JUN: variants seen among roughly 807,000 people sequenced by gnomAD.
JUN encodes the protein Jun proto-oncogene, AP-1 transcription factor subunit.
A neutral mutation model predicts 19.7 loss-of-function variants in JUN; 7 were observed. That is an observed-to-expected ratio of 0.36 (90% CI 0.20 to 0.67). The LOEUF is 0.67. Ranked by LOEUF, JUN falls within the 30% of genes least tolerant of loss-of-function variation. JUN has a pLI of 0.64. For synonymous variants in JUN, 246 were observed against 206.9 expected (o/e 1.19, Z -1.62); for missense variants, 373 against 451.0 (o/e 0.83, Z 1.57).
chr1:58,782,247 T>C lies in JUN; in HGVS notation c.824A>G (p.Glu275Gly). 1 of 1,614,226 alleles carries C rather than the reference T, an allele frequency of 6.2e-7. No homozygotes were observed. The highest frequency in any genetic ancestry group is 8.5e-7 in the Non-Finnish European group (1 of 1,180,036). ...TTTTTCCTCCAGCCGGGCGATTCTC[T>C]CCAGCTTCCTTTTTCGGCACTTGGA... ...AASKCRKRKL[E>G]RIARLEEKVK... The change falls in exon 1 of 1, where the codon GAG (glutamate) becomes GGG (glycine). Residue 275 changes from glutamate (E) to glycine (G), a missense_variant. By Grantham distance (98) the Glu-to-Gly change is moderately conservative. This residue lies in a region of JUN where 83 missense variants were observed against 143.0 expected (regional missense o/e 0.58). Transcript: ENST00000371222. The surrounding 1 kb of genome is among the most constrained non-coding windows in gnomAD (Gnocchi z 8.7).
At position 58,783,549 on chromosome 1, in the gene JUN, C is replaced by G; in HGVS notation, c.-479G>C. On this transcript the variant is annotated 5_prime_UTR_variant, in exon 1 of 1. Coordinates refer to ENST00000371222, the MANE Select transcript of JUN (RefSeq NM_002228.4). ...CCCGGCAGCCGCGGCTCGCGCTCGC[C>G]CAAGTTCAACAACCGGTGCGAGCGA... The G allele has an allele frequency of 4.0e-6, 1 of 249,984 alleles. No homozygotes were observed. The highest frequency in any genetic ancestry group is 6.0e-5 in the East Asian group (1 of 16,672). The allele number at this position is 249,984 out of a possible 1,614,324, so 15.5% of individuals were successfully genotyped here. A position where few individuals can be genotyped will look rare whatever the true frequency, so the allele number is the denominator to read the frequency against.
At position 58,782,067 on chromosome 1, in the gene JUN, GT is replaced by G. The variant is rs1183716613; in HGVS notation, c.*7del. ...CTTCGTTGCCCCTCAGCCCCCGACG[GT>G]CTCTCTTCAAAATGTTTGCAACTGC... On this transcript the variant is annotated 3_prime_UTR_variant, in exon 1 of 1. Transcript: ENST00000371222. This position sits in a 1 kb window ranked among gnomAD's most constrained non-coding sequence, Gnocchi z 8.7. 1 of 1,602,214 alleles carries G rather than the reference GT, an allele frequency of 6.2e-7. No individual in the cohort carries two copies. The highest frequency in any genetic ancestry group is 8.5e-7 in the Non-Finnish European group (1 of 1,170,102).
In JUN at chr1:58,781,878, G is replaced by C. The variant is rs1645577007; in HGVS notation, c.*197C>G. The C allele has an allele frequency of 3.4e-6, 2 of 594,378 alleles. No individual in the cohort carries two copies. Among genetic ancestry groups the C allele is most frequent in the African/African-American group, 3.7e-5 (2 of 53,826 alleles). 36.8% of individuals were successfully genotyped at this position (594,378 alleles called of 1,614,324 possible). A position where few individuals can be genotyped will look rare whatever the true frequency, so the allele number is the denominator to read the frequency against. ...CGGCCGCTCCCTGGCTCCACGCCAA[G>C]GGAGGGCGCGCCAAGTCCTTCCCAC... is the stretch of plus-strand genomic sequence containing the variant. On this transcript the variant is annotated 3_prime_UTR_variant, in exon 1 of 1. Coordinates refer to ENST00000371222, the MANE Select transcript of JUN (RefSeq NM_002228.4).
Position 58,782,058 on chromosome 1 carries a change from C to T in JUN, c.*17G>A, listed in dbSNP as rs778577578. The T allele has an allele frequency of 1.7e-5, 27 of 1,592,138 alleles. No individual in the cohort carries two copies. The highest frequency in any genetic ancestry group is 1.1e-4 in the South Asian group (10 of 90,470). On this transcript the variant is annotated 3_prime_UTR_variant, in exon 1 of 1. Coordinates refer to ENST00000371222, the MANE Select transcript of JUN (RefSeq NM_002228.4). The surrounding 1 kb of genome is among the most constrained non-coding windows in gnomAD (Gnocchi z 8.7). ...ATTTTTTTTCTTCGTTGCCCCTCAG[C>T]CCCCGACGGTCTCTCTTCAAAATGT...
chr1:58,783,137 G>A lies in JUN; in HGVS notation c.-67C>T. 6 of 1,548,138 alleles carry A rather than the reference G, an allele frequency of 3.9e-6. No homozygotes were observed. The highest frequency in any genetic ancestry group is 4.4e-6 in the Non-Finnish European group (5 of 1,144,290). ...CGCACAAGTTTCGGGGCCGCAACAG[G>A]GCTGTGGCAAGCGGGGGACACCCGC... On this transcript the variant is annotated 5_prime_UTR_variant, in exon 1 of 1. Coordinates refer to ENST00000371222, the MANE Select transcript of JUN (RefSeq NM_002228.4).
rs1169763375 is a variant in JUN at position 58,782,636 on chromosome 1, G to A, written c.435C>T (p.Pro145=). The change falls in exon 1 of 1, where the codon CCC becomes CCT. Residue 145 remains proline (P), a synonymous_variant. Coordinates refer to ENST00000371222, the MANE Select transcript of JUN (RefSeq NM_002228.4). The surrounding 1 kb of genome is among the most constrained non-coding windows in gnomAD (Gnocchi z 8.7). ...TGCCCCCTGCCACCGAGGCTACCGCGGGAGCCACCATGCCTGCCCCGTTGA... is the reference window on the plus strand; with the variant it reads ...TGCCCCCTGCCACCGAGGCTACCGCAGGAGCCACCATGCCTGCCCCGTTGA... ...QPVNGAGMVA[P]AVASVAGGSG... is the part of the protein sequence containing the mutation. The A allele has an allele frequency of 1.9e-6, 3 of 1,595,200 alleles. No homozygotes were observed. The East Asian group carries it at 6.7e-5, about 36-fold the overall frequency.
At position 58,783,656 on chromosome 1, in the gene JUN, G is replaced by A. The variant is rs182750223; in HGVS notation, c.-586C>T. The A allele has an allele frequency of 1.5e-3, 370 of 247,864 alleles. 3 individuals carry two copies. The highest frequency in any genetic ancestry group is 7.4e-3 in the African/African-American group (336 of 45,294). 15.4% of individuals were successfully genotyped at this position (247,864 alleles called of 1,614,324 possible). On this transcript the variant is annotated 5_prime_UTR_variant, in exon 1 of 1. Transcript: ENST00000371222. ...CCGCCGTGGAGAAGCCTAAGACGCA[G>A]GAAAGGCTTGCAAAAGTTGGCTCCG...
Position 58,781,939 on chromosome 1 carries a change from A to G in JUN, c.*136T>C. 1.3e-6 allele frequency: 1 copy of G among 766,138 alleles called. No homozygotes were observed. Among genetic ancestry groups the G allele is most frequent in the South Asian group, 1.9e-5 (1 of 54,010 alleles). 47.5% of individuals were successfully genotyped at this position (766,138 alleles called of 1,614,324 possible). A position where few individuals can be genotyped will look rare whatever the true frequency, so the allele number is the denominator to read the frequency against. Reference sequence around the variant, plus strand: ...TGGGGGCGCCGTCAGGACGCAACCCAGTCCAACTTGGATACCCTTGGCTTT... The same window carrying G: ...TGGGGGCGCCGTCAGGACGCAACCCGGTCCAACTTGGATACCCTTGGCTTT... On this transcript the variant is annotated 3_prime_UTR_variant, in exon 1 of 1. Transcript: ENST00000371222.
Position 58,784,006 on chromosome 1 carries a change from T to C in JUN, c.-936A>G. ...TCTGCCTGACTCCGCGCACCTCCACTCCCGCCTCGCTGCTTCAGCCACACT... is the reference window on the plus strand; with the variant it reads ...TCTGCCTGACTCCGCGCACCTCCACCCCCGCCTCGCTGCTTCAGCCACACT... On this transcript the variant is annotated 5_prime_UTR_variant, in exon 1 of 1. Transcript: ENST00000371222. 4.0e-6 allele frequency: 1 copy of C among 249,072 alleles called. No homozygotes were observed. The allele number at this position is 249,072 out of a possible 1,614,324, so 15.4% of individuals were successfully genotyped here.
chr1:58,783,493 T>G lies in JUN; in HGVS notation c.-423A>C. ...TGGCCGCCCGGACTCCGACGACTTG[T>G]CCCCTCCTCCGCTGCTAGGGGGAGG... On this transcript the variant is annotated 5_prime_UTR_variant, in exon 1 of 1. Transcript: ENST00000371222. 4.0e-6 allele frequency: 1 copy of G among 250,796 alleles called. No individual in the cohort carries two copies. The highest frequency in any genetic ancestry group is 8.3e-6 in the Non-Finnish European group (1 of 120,092). 15.5% of individuals were successfully genotyped at this position (250,796 alleles called of 1,614,324 possible).
At position 58,783,024 on chromosome 1, in the gene JUN, G is replaced by A. The variant is rs1261483202; in HGVS notation, c.47C>T (p.Ala16Val). Residue 16 changes from alanine (A) to valine (V), a missense_variant, in exon 1 of 1, where the codon GCC becomes GTC. Physicochemically the swap from Ala to Val is moderately conservative, Grantham distance 64 (BLOSUM62 0). Around this residue, in one of 4 missense-constraint regions of JUN, gnomAD observed 113 missense variants for 136.9 expected, o/e 0.83. Transcript: ENST00000371222. ...TCCGCTCTCGGACGGGAGGAACGAG[G>A]CGTTGAGGGCATCGTCATAGAAGGT... Reference protein sequence around the residue: ...ETTFYDDALNASFLPSESGPY... With the variant: ...ETTFYDDALNVSFLPSESGPY... 6.2e-7 allele frequency: 1 copy of A among 1,614,090 alleles called. No individual in the cohort carries two copies. Among genetic ancestry groups the A allele is most frequent in the African/African-American group, 1.3e-5 (1 of 74,934 alleles).
rs761372530 is a variant in JUN at position 58,783,057 on chromosome 1, A to G, written c.14T>C (p.Met5Thr). The G allele has an allele frequency of 2.5e-6, 4 of 1,613,920 alleles. No homozygotes were observed. The change falls in exon 1 of 1, where the codon ATG (methionine) becomes ACG (threonine). Residue 5 changes from methionine to threonine, a missense_variant. Physicochemically the swap from Met to Thr is moderately conservative, Grantham distance 81. Transcript: ENST00000371222. MTAK[M>T]ETTFYDDALN... ...GGCATCGTCATAGAAGGTCGTTTCC[A>G]TCTTTGCAGTCATAGAACAGTCCGT...
chr1:58,782,562 T>C lies in JUN; in HGVS notation c.509A>G (p.Tyr170Cys). ...TGGGTTGAAGTTGCTGAGGTTTGCG[T>C]AGACCGGCGGCTCGCTGTGCAGGCT... ...SASLHSEPPV[Y>C]ANLSNFNPGA... is the part of the protein sequence containing the mutation. The change falls in exon 1 of 1, where the codon TAC becomes TGC. Residue 170 changes from tyrosine to cysteine, a missense_variant. Around this residue, in one of 4 missense-constraint regions of JUN, gnomAD observed 173 missense variants for 154.5 expected, o/e 1.12. Transcript: ENST00000371222. This position sits in a 1 kb window ranked among gnomAD's most constrained non-coding sequence, Gnocchi z 8.7. 6.3e-7 allele frequency: 1 copy of C among 1,584,642 alleles called. No homozygotes were observed. Among genetic ancestry groups the C allele is most frequent in the Non-Finnish European group, 8.5e-7 (1 of 1,172,652 alleles).
At position 58,781,792 on chromosome 1, in the gene JUN, A is replaced by G. The variant is rs1198907030; in HGVS notation, c.*283T>C. 2.2e-6 allele frequency: 1 copy of G among 455,580 alleles called. No homozygotes were observed. Among genetic ancestry groups the G allele is most frequent in the Non-Finnish European group, 3.9e-6 (1 of 253,358 alleles). 28.2% of individuals were successfully genotyped at this position (455,580 alleles called of 1,614,324 possible). On this transcript the variant is annotated 3_prime_UTR_variant, in exon 1 of 1. Coordinates refer to ENST00000371222, the MANE Select transcript of JUN (RefSeq NM_002228.4). Reference sequence around the variant, plus strand: ...ATGCAGTTCTTGGTCAATGTTAACGAAAAGTCCAACGTTCCGTTCGCGCGG... The same window carrying G: ...ATGCAGTTCTTGGTCAATGTTAACGGAAAGTCCAACGTTCCGTTCGCGCGG...
rs1328251857 is a variant in JUN, at chr1:58,783,831, G to A, written c.-761C>T. Reference sequence around the variant, plus strand: ...GCAGCAGGGCTCTCCTCCCGGGGGCGGCTGGAGACCAGGCTCTCTGGACAC... The same window carrying A: ...GCAGCAGGGCTCTCCTCCCGGGGGCAGCTGGAGACCAGGCTCTCTGGACAC... On this transcript the variant is annotated 5_prime_UTR_variant, in exon 1 of 1. Coordinates refer to ENST00000371222, the MANE Select transcript of JUN (RefSeq NM_002228.4). 4.0e-6 allele frequency: 1 copy of A among 248,062 alleles called. No individual in the cohort carries two copies. The highest frequency in any genetic ancestry group is 6.0e-5 in the East Asian group (1 of 16,602). The allele number at this position is 248,062 out of a possible 1,614,324, so 15.4% of individuals were successfully genotyped here.
Position 58,782,378 on chromosome 1 carries a change from T to G in JUN, c.693A>C (p.Thr231=), listed in dbSNP as rs143954364. The G allele has an allele frequency of 2.5e-6, 4 of 1,612,632 alleles. No individual in the cohort carries two copies. In the African/African-American group the frequency reaches 5.3e-5, roughly 22 times the overall value. The change falls in exon 1 of 1, where the codon ACA becomes ACC. Residue 231 remains threonine, a synonymous_variant. Transcript: ENST00000371222. This position sits in a 1 kb window ranked among gnomAD's most constrained non-coding sequence, Gnocchi z 8.7. ...RLQALKEEPQ[T]VPEMPGETPP... ...GTGTCTCGCCGGGCATCTCGGGCAC[T>G]GTCTGAGGCTCCTCCTTCAGGGCCT...
chr1:58,783,824 C>CG lies in JUN; in HGVS notation c.-755dup. 4.0e-6 allele frequency: 1 copy of CG among 248,144 alleles called. No individual in the cohort carries two copies. Among genetic ancestry groups the CG allele is most frequent in the Non-Finnish European group, 8.5e-6 (1 of 118,134 alleles). 15.4% of individuals were successfully genotyped at this position (248,144 alleles called of 1,614,324 possible). On this transcript the variant is annotated 5_prime_UTR_variant, in exon 1 of 1. Transcript: ENST00000371222. Reference sequence around the variant, plus strand: ...CGCCTGGGCAGCAGGGCTCTCCTCCCGGGGGCGGCTGGAGACCAGGCTCTC... The same window carrying CG: ...CGCCTGGGCAGCAGGGCTCTCCTCCCGGGGGGCGGCTGGAGACCAGGCTCTC...
chr1:58,782,519 G>A lies in JUN; in HGVS notation c.552C>T (p.Gly184=), dbSNP rs1055413558. The change falls in exon 1 of 1, where the codon GGC becomes GGT. Residue 184 remains glycine, a synonymous_variant. Coordinates refer to ENST00000371222, the MANE Select transcript of JUN (RefSeq NM_002228.4). This position sits in a 1 kb window ranked among gnomAD's most constrained non-coding sequence, Gnocchi z 8.7. The part of the protein sequence containing the change: ...SNFNPGALSS[G]GGAPSYGAAG... ...CCGCGCCGTAGGAGGGCGCCCCGCC[G>A]CCGCTGCTCAGCGCGCCTGGGTTGA... The A allele has an allele frequency of 5.7e-6, 9 of 1,572,166 alleles. No individual in the cohort carries two copies. Among genetic ancestry groups the A allele is most frequent in the Non-Finnish European group, 7.7e-6 (9 of 1,165,286 alleles).
rs533622284 is a variant in JUN, at chr1:58,781,693, T to C, written c.*382A>G. The C allele has an allele frequency of 3.0e-4, 45 of 152,506 alleles. No homozygotes were observed. The highest frequency in any genetic ancestry group is 1.1e-3 in the African/African-American group (38 of 33,776). The allele number at this position is 152,506 out of a possible 1,614,324, so 9.4% of individuals were successfully genotyped here. On this transcript the variant is annotated 3_prime_UTR_variant, in exon 1 of 1. Coordinates refer to ENST00000371222, the MANE Select transcript of JUN (RefSeq NM_002228.4). The stretch of plus-strand genomic sequence containing the variant: ...CTTAAGGAGTACTACAGAAGCAATC[T>C]ACAGTCTCTATTGCAGTTTGTAACC...
Sources: allele counts gnomAD v4.1 joint callset, GRCh38; gene constraint gnomAD v4.1.1; regional missense constraint gnomAD v4.1.1; non-coding constraint Gnocchi (gnomAD v3.1); transcripts MANE v1.5; gene names NCBI Gene and HGNC (gene_info 2026-07-23, HGNC 2026-07-21).